AXIN1: variants seen among roughly 807,000 people sequenced by gnomAD.
AXIN1 encodes axin 1.
A neutral mutation model predicts 76.4 loss-of-function variants in AXIN1; 30 were observed. The ratio of observed to expected loss-of-function variants is 0.39; its 90% CI spans 0.29 to 0.53. The LOEUF (loss-of-function observed/expected upper bound fraction) is 0.53, where lower values mean the gene tolerates loss of function less well. Among genes scored for constraint, AXIN1 ranks in the 20% least tolerant of loss-of-function variants. AXIN1 has a pLI of 0.66. For synonymous variants in AXIN1, 545 were observed against 501.4 expected, an observed-to-expected ratio of 1.09 and a Z score of -1.16; for missense variants, 1,140 against 1,198.8, an observed-to-expected ratio of 0.95 and a Z score of 0.72.
intron 10 of AXIN1, 153 bp from the exon 11 acceptor site, chr16:288,401 A>C (rs557032898): frequency 1.6e-5 from 18 of 1,112,806 alleles, no homozygotes; most frequent in Non-Finnish European, 2.2e-5. Context: ...TCCCAGGGCA[A>C]CAGTGAACAG....
At position 305,314 on chromosome 16, in the gene AXIN1, A is replaced by AT. The variant is rs557326165; in HGVS notation, c.1117-874dup. Reference sequence around the variant, plus strand: ...TGAGACCTCATCTCTACAAACAAAAATTTTTTTTAATTAGCCGGGTGTGGT... The same window carrying AT: ...TGAGACCTCATCTCTACAAACAAAAATTTTTTTTTAATTAGCCGGGTGTGGT... On this transcript the variant is annotated intron_variant, in intron 4 of 10. Transcript: ENST00000262320. Among the ~76,000 whole-genome samples the AT allele has an allele frequency of 3.9e-3, 593 of 151,784 alleles. 4 individuals carry two copies. The highest frequency in any genetic ancestry group is 6.8e-3 in the Middle Eastern group (2 of 294).
intron 1 of AXIN1, among the ~76,000 whole-genome samples, chr16:349,788 G>A (rs982581182): frequency 6.6e-6 from 1 of 152,138 alleles, no homozygotes; most frequent in Non-Finnish European, 1.5e-5. Context: ...AAAACTAATG[G>A]GTTTTGTTGT....
Position 297,850 on chromosome 16 carries a change from G to A in AXIN1, c.1656C>T (p.Ala552=), listed in dbSNP as rs115321780. Residue 552 remains alanine, a synonymous_variant, in exon 6 of 11, where the codon GCC becomes GCT. Coordinates refer to ENST00000262320, the MANE Select transcript of AXIN1 (RefSeq NM_003502.4). Reference sequence around the variant, plus strand: ...TGCTCTGGGCCCTGCGGGTGGCCTCGGCCTCCACCTGCTCCTTGGGCCGGG... The same window carrying A: ...TGCTCTGGGCCCTGCGGGTGGCCTCAGCCTCCACCTGCTCCTTGGGCCGGG... ...STARPKEQVE[A]EATRRAQSSF... The A allele has an allele frequency of 1.7e-3, 2,734 of 1,578,520 alleles. 31 individuals are homozygous for A. The African/African-American group carries it at 0.024, about 14-fold the overall frequency.
chr16:313,885 C>T (rs945659749), intron 3 of AXIN1, among the ~76,000 whole-genome samples: 4 of 152,184 alleles, frequency 2.6e-5, no homozygotes, highest in Admixed American at 1.3e-4. Flanking sequence ...CCTGTCACCT[C>T]GAGCGTCACA....
intron 3 of AXIN1, among the ~76,000 whole-genome samples, chr16:311,123 G>A (rs1197018364): frequency 8.2e-6 from 1 of 121,214 alleles, no homozygotes; most frequent in South Asian, 2.7e-4. Context: ...AGCCGCTCCC[G>A]GGTTCACGCC....
rs1397969750 is a variant in AXIN1 at position 287,933 on chromosome 16, C to T, written c.*189G>A. On this transcript the variant is annotated 3_prime_UTR_variant, in exon 11 of 11. Transcript: ENST00000262320. ...GTGGTCCAGGCTGCCTCCTTGGGGG[C>T]AGGACAGAAGCTTGTGGACCACTTG... 13 of 920,846 alleles carry T rather than the reference C, an allele frequency of 1.4e-5. No individual in the cohort carries two copies. The highest frequency in any genetic ancestry group is 5.0e-5 in the East Asian group (2 of 40,182). 57.0% of individuals were successfully genotyped at this position (920,846 alleles called of 1,614,324 possible).
rs73486236 is a variant in AXIN1 at position 296,096 on chromosome 16, T to A, written c.1955+960A>T. Among the ~76,000 whole-genome samples the A allele has an allele frequency of 9.2e-3, 1,403 of 152,208 alleles. 28 individuals are homozygous for A. The highest frequency in any genetic ancestry group is 0.032 in the African/African-American group (1,331 of 41,514). ...AGCTGGGCAACACACTGAGACCCCC[T>A]CTACAAAAAATGAGCCAGGCAAGGT... is the stretch of plus-strand genomic sequence containing the variant. On this transcript the variant is annotated intron_variant, in intron 7 of 10. Transcript: ENST00000262320.
intron 2 of AXIN1, among the ~76,000 whole-genome samples, chr16:315,228 C>A (rs915326661): frequency 6.6e-6 from 1 of 152,218 alleles, no homozygotes; most frequent in African/African-American, 2.4e-5. Context: ...GGACGATTCA[C>A]CTCCTCTTGT....
At chr16:345,360 C>T (rs922646498) in intron 2 of AXIN1, among the ~76,000 whole-genome samples, 3 of 152,218 alleles carry the variant, frequency 2.0e-5, no homozygotes, top group Non-Finnish European at 2.9e-5. Context: ...ATTCCCCACA[C>T]GTAAAACGTC....
In AXIN1 at chr16:288,242, G is replaced by A. The variant is rs747261553; in HGVS notation, c.2469C>T (p.Tyr823=). Residue 823 remains tyrosine, a synonymous_variant, in exon 11 of 11, where the codon TAC becomes TAT. Transcript: ENST00000262320. ...LLTKKGSYRY[Y]FKKVSDEFDC... The stretch of plus-strand genomic sequence containing the variant: ...CAAACTCGTCGCTCACTTTCTTGAA[G>A]TAGTATCTGCAGGACGGAGGTGAGG... 1.2e-6 allele frequency: 2 copies of A among 1,613,626 alleles called. No individual in the cohort carries two copies. Among genetic ancestry groups the A allele is most frequent in the Non-Finnish European group, 1.7e-6 (2 of 1,180,004 alleles).
At chr16:333,397 G>A (rs1391734773) in intron 2 of AXIN1, among the ~76,000 whole-genome samples, 1 of 151,102 alleles carries the variant, frequency 6.6e-6, no homozygotes, top group African/African-American at 2.4e-5. Flanking sequence ...GGCTGAGGCA[G>A]GAGGATCGCT....
At chr16:289,981 G>C in intron 9 of AXIN1, 1 of 376,348 alleles carries the variant, frequency 2.7e-6, no homozygotes, top group Non-Finnish European at 5.1e-6. Context: ...GAAGGGCAGG[G>C]ATTGGACAAA....
At chr16:291,810 G>C (rs962862460) in intron 8 of AXIN1, 5 of 216,006 alleles carry the variant, frequency 2.3e-5, no homozygotes, top group African/African-American at 2.3e-5. Flanking sequence ...GGGTACACTG[G>C]GCGACCTTGA....
rs186211824 is a variant in AXIN1, at chr16:314,986, G to A, written c.879-303C>T. ...TCATTTGGGTTTGTTTTCCGTGCAC[G>A]GTACTAGAAATGGGACGCAGATGTT... On this transcript the variant is annotated intron_variant, in intron 2 of 10. Transcript: ENST00000262320. 2.1e-3 allele frequency among the ~76,000 whole-genome samples: 314 copies of A among 152,306 alleles called. 1 individual carries two copies. The highest frequency in any genetic ancestry group is 5.7e-3 in the Admixed American group (87 of 15,292).
intron 3 of AXIN1, among the ~76,000 whole-genome samples, chr16:312,326 T>C (rs576259533): frequency 7.9e-5 from 12 of 152,316 alleles, no homozygotes; most frequent in African/African-American, 2.6e-4. Flanking sequence ...ACATTCCAAA[T>C]TGTTAAACAC....
intron 2 of AXIN1, among the ~76,000 whole-genome samples, chr16:320,490 G>A (rs981175736): frequency 4.6e-5 from 7 of 151,978 alleles, no homozygotes; most frequent in Admixed American, 6.6e-5. Flanking sequence ...ATGATGCTTC[G>A]CTGTGATGGT....
At chr16:332,401 C>T (rs980107896) in intron 2 of AXIN1, among the ~76,000 whole-genome samples, 1 of 151,740 alleles carries the variant, frequency 6.6e-6, no homozygotes, top group African/African-American at 2.4e-5. Flanking sequence ...CACAGTGAAA[C>T]CCCATCTCTA....
chr16:320,655 A>G (rs1019965076), intron 2 of AXIN1, among the ~76,000 whole-genome samples: 7 of 150,600 alleles, frequency 4.6e-5, no homozygotes, highest in African/African-American at 1.5e-4. Flanking sequence ...AAACAAATAT[A>G]TATGTATATA....
At chr16:306,514 C>T (rs762185367) in intron 4 of AXIN1, among the ~76,000 whole-genome samples, 25 of 152,150 alleles carry the variant, frequency 1.6e-4, no homozygotes, top group Non-Finnish European at 3.2e-4. Flanking sequence ...TGGGCTCTGG[C>T]GCAGTCCTGG....
Sources: gnomAD v4.1 joint callset for allele counts (sites outside exome capture counted in the v4.1 genomes callset) on GRCh38, gnomAD v4.1.1 for gene constraint, MANE v1.5 for transcripts, NCBI Gene and HGNC (gene_info 2026-07-23, HGNC 2026-07-21) for gene names.